The following CLIP2 variants were observed in gnomAD, a reference collection of about 807,000 sequenced individuals.
CLIP2 encodes the protein CAP-Gly domain-containing linker protein 2.
Under a neutral mutation model 111.7 loss-of-function variants are expected in CLIP2, and 41 were observed. That is an observed-to-expected ratio of 0.37 (90% confidence interval 0.29 to 0.48). The LOEUF is 0.48. Among genes scored for constraint, CLIP2 ranks in the 20% least tolerant of loss-of-function variants. The pLI is 0.99. For synonymous variants in CLIP2, 660 were observed against 644.2 expected, an observed-to-expected ratio of 1.02 and a Z score of -0.37; for missense variants, 1,160 against 1,422.1, an observed-to-expected ratio of 0.82 and a Z score of 2.96.
intron 9 of CLIP2, among the ~76,000 whole-genome samples, chr7:74,375,609 C>CAAT (rs1440830836): frequency 1.3e-5 from 2 of 148,256 alleles, no homozygotes; most frequent in East Asian, 4.0e-4. Context: ...TTTTAACCAC[C>CAAT]AATTTGTCCA....
chr7:74,400,668 AG>A, intron 15 of CLIP2, 113 bp downstream of exon 15: 1 of 1,087,314 alleles, frequency 9.2e-7, no homozygotes, highest in Admixed American at 3.0e-5. Flanking sequence ...CTGAGGAGGT[AG>A]GGAGCTCGTC....
chr7:74,402,171 CA>C (rs1240387810), intron 16 of CLIP2, among the ~76,000 whole-genome samples: 73 of 150,238 alleles, frequency 4.9e-4, no homozygotes, highest in African/African-American at 1.7e-3. Context: ...ACTAAAAATA[CA>C]AAAAAAAATT....
chr7:74,382,078 A>G (rs1554314000), intron 11 of CLIP2, among the ~76,000 whole-genome samples: 3 of 133,506 alleles, frequency 2.2e-5, no homozygotes, highest in Non-Finnish European at 3.3e-5. Flanking sequence ...GTTAAGAGGT[A>G]TTTCTATTTG....
chr7:74,299,719 A>G (rs1281018540), intron 1 of CLIP2, among the ~76,000 whole-genome samples: 7 of 149,642 alleles, frequency 4.7e-5, no homozygotes, highest in Non-Finnish European at 8.9e-5. Flanking sequence ...TTTTTTTGAG[A>G]CGGAGTTTCG....
chr7:74,320,675 C>T (rs1397035550), intron 2 of CLIP2, among the ~76,000 whole-genome samples: 9 of 151,982 alleles, frequency 5.9e-5, no homozygotes, highest in South Asian at 2.1e-4. Flanking sequence ...TGTGGTTATC[C>T]GGGGGAGGGA....
intron 11 of CLIP2, among the ~76,000 whole-genome samples, chr7:74,382,108 A>G (rs1192779605): frequency 1.3e-5 from 2 of 151,348 alleles, no homozygotes; most frequent in Non-Finnish European, 2.9e-5. Context: ...TTTGAGACGG[A>G]GTTTCACCCT....
At chr7:74,293,908 C>G (rs144855164) in intron 1 of CLIP2, among the ~76,000 whole-genome samples, 1 of 151,142 alleles carries the variant, frequency 6.6e-6, no homozygotes, top group Non-Finnish European at 1.5e-5. Context: ...GCGTGGGACT[C>G]GGGCTTTTTT....
chr7:74,364,868 A>T (rs1408260821), intron 8 of CLIP2: 3 of 454,738 alleles, frequency 6.6e-6, no homozygotes, highest in Non-Finnish European at 1.3e-5. Flanking sequence ...CAAAAAATTT[A>T]AAAAGTTAGC....
intron 8 of CLIP2, chr7:74,364,828 C>A: frequency 2.2e-6 from 1 of 453,740 alleles, no homozygotes; most frequent in Non-Finnish European, 4.4e-6. Context: ...TCAAGACCAG[C>A]CTGGGCAACG....
At chr7:74,371,625 G>T (rs1790625333) in intron 8 of CLIP2, among the ~76,000 whole-genome samples, 1 of 144,392 alleles carries the variant, frequency 6.9e-6, no homozygotes, top group Non-Finnish European at 1.5e-5. Context: ...GAGGGAAACA[G>T]GGAGGGGAAT....
At chr7:74,297,590 T>C (rs926172195) in intron 1 of CLIP2, among the ~76,000 whole-genome samples, 2 of 152,088 alleles carry the variant, frequency 1.3e-5, no homozygotes, top group African/African-American at 4.8e-5. Flanking sequence ...TCACTGCCTG[T>C]TCCTTTGTTT....
chr7:74,356,275 G>T, intron 4 of CLIP2, 135 bp from the exon 5 acceptor site: 2 of 729,050 alleles, frequency 2.7e-6, no homozygotes, highest in Non-Finnish European at 4.9e-6. Flanking sequence ...TTCCACCTTG[G>T]AGTGTCTTTC....
chr7:74,366,727 T>G (rs782172833), intron 8 of CLIP2, among the ~76,000 whole-genome samples: 28 of 151,876 alleles, frequency 1.8e-4, no homozygotes, highest in Non-Finnish European at 4.1e-4. Flanking sequence ...AAATACAAAA[T>G]TAGCTGGGCA....
chr7:74,336,646 A>G (rs1554732136), intron 2 of CLIP2, among the ~76,000 whole-genome samples: 3 of 152,040 alleles, frequency 2.0e-5, no homozygotes, highest in African/African-American at 7.2e-5. Flanking sequence ...GGGAGCTACA[A>G]TTCAAGATGA....
At position 74,338,449 on chromosome 7, in the gene CLIP2, C is replaced by T. The variant is rs1789543636; in HGVS notation, c.123C>T (p.Gly41=). The T allele has an allele frequency of 1.9e-6, 3 of 1,612,182 alleles. No individual in the cohort carries two copies. Among genetic ancestry groups the T allele is most frequent in the Non-Finnish European group, 2.5e-6 (3 of 1,179,612 alleles). The change falls in exon 3 of 17, where the codon GGC becomes GGT. Residue 41 remains glycine, a splice_region_variant and synonymous_variant. Coordinates refer to ENST00000223398, the MANE Select transcript of CLIP2 (RefSeq NM_003388.5). The surrounding 1 kb of genome is among the most constrained non-coding windows in gnomAD (Gnocchi z 4.3). ...CCCTTTCCCTCTCCTTCTCTGCAGG[C>T]TCCCCACTGCACAAACAGTCATCTG... is the stretch of plus-strand genomic sequence containing the variant. ...SAAVAASSKE[G]SPLHKQSSGP...
At chr7:74,399,525 G>C (rs1791554706) in intron 14 of CLIP2, among the ~76,000 whole-genome samples, 1 of 128,162 alleles carries the variant, frequency 7.8e-6, no homozygotes, top group South Asian at 2.8e-4. Context: ...ACAATAGAGT[G>C]AGACTCAGTC....
chr7:74,320,207 A>T (rs1788908228), intron 2 of CLIP2, among the ~76,000 whole-genome samples: 1 of 150,052 alleles, frequency 6.7e-6, no homozygotes, highest in Non-Finnish European at 1.5e-5. Context: ...AAAAAAAAAA[A>T]AAAAAAAAAG....
Position 74,397,138 on chromosome 7 carries a change from G to A in CLIP2, c.2785G>A (p.Asp929Asn). 1 of 1,613,902 alleles carries A rather than the reference G, an allele frequency of 6.2e-7. No homozygotes were observed. The highest frequency in any genetic ancestry group is 8.5e-7 in the Non-Finnish European group (1 of 1,179,980). The change falls in exon 14 of 17, where the codon GAC becomes AAC. Residue 929 changes from aspartate to asparagine, a missense_variant. Physicochemically the swap from Asp to Asn is conservative, Grantham distance 23 (BLOSUM62 1). Coordinates refer to ENST00000223398, the MANE Select transcript of CLIP2 (RefSeq NM_003388.5). ...TCGTCACTCCCCAGGGCCGGAGAGG[G>A]ACCTGAGCCGTGAGGTACACAAGGC... Reference protein sequence around the residue: ...ANRHSPGPERDLSREVHKAEW... With the variant: ...ANRHSPGPERNLSREVHKAEW...
rs1195905433 is a variant in CLIP2 at position 74,383,417 on chromosome 7, C to T, written c.2479+2554C>T. Among the ~76,000 whole-genome samples, 34 of 152,114 alleles carry T rather than the reference C, an allele frequency of 2.2e-4. 1 individual carries two copies. The highest frequency in any genetic ancestry group is 2.1e-3 in the Admixed American group (32 of 15,246). ...TTGTTATTCTCTTCATGTGCCAATT[C>T]TATAATGTTTTAATTAGTCAAGCTT... is the stretch of plus-strand genomic sequence containing the variant. On this transcript the variant is annotated intron_variant, in intron 11 of 16. Coordinates refer to ENST00000223398, the MANE Select transcript of CLIP2 (RefSeq NM_003388.5).
Sources: allele counts gnomAD v4.1 joint callset (sites outside exome capture counted in the v4.1 genomes callset), GRCh38; gene constraint gnomAD v4.1.1; non-coding constraint Gnocchi (gnomAD v3.1); transcripts MANE v1.5; gene names NCBI Gene and HGNC (gene_info 2026-07-23, HGNC 2026-07-21).